Variants in KANSL2 observed in about 807,000 individuals in gnomAD.
The protein encoded by KANSL2 is KAT8 regulatory NSL complex subunit 2.
A neutral mutation model predicts 55.6 loss-of-function variants in KANSL2; 34 were observed. The observed-to-expected ratio is 0.61, with a 90% confidence interval of 0.46 to 0.81. KANSL2 has a LOEUF of 0.81. KANSL2 is among the 40% of genes least tolerant of loss of function. The probability of loss-of-function intolerance (pLI) is 0.00; values close to 1 mark genes in which losing one functional copy is unlikely to be tolerated. For missense variants in KANSL2, 502 were observed against 609.9 expected (o/e 0.82, Z 1.86); for synonymous variants, 209 against 214.3 (o/e 0.98, Z 0.22).
intron 3 of KANSL2, 69 bp downstream of exon 3, chr12:48,679,586 G>T: frequency 7.7e-7 from 1 of 1,298,828 alleles, no homozygotes; most frequent in Non-Finnish European, 1.1e-6. Context: ...TCAAGGCATT[G>T]TGCTAACCCA....
chr12:48,663,004 G>A (rs2409084), intron 7 of KANSL2, among the ~76,000 whole-genome samples: 34,176 of 152,048 alleles, frequency 0.22, 4,818 homozygotes, highest in Non-Finnish European at 0.33. Flanking sequence ...TTCAGACACC[G>A]TACAGAATTC....
At chr12:48,679,983 C>T (rs1333449153) in intron 2 of KANSL2, 150 bp from the exon 3 acceptor site, 1 of 659,592 alleles carries the variant, frequency 1.5e-6, no homozygotes, top group African/African-American at 1.8e-5. Flanking sequence ...TTTAACTGGC[C>T]CAAGGTCAAC....
At chr12:48,672,034 A>C in intron 4 of KANSL2, 72 bp from the exon 5 acceptor site, 1 of 1,304,748 alleles carries the variant, frequency 7.7e-7, no homozygotes, top group Non-Finnish European at 1.0e-6. Context: ...AAGAGTAGAG[A>C]TGTCAGACTA....
intron 7 of KANSL2, chr12:48,662,736 C>A: frequency 1.1e-6 from 1 of 891,904 alleles, no homozygotes; most frequent in Non-Finnish European, 1.5e-6. Context: ...AAAAAAAATA[C>A]TTCCCTTCTC....
At chr12:48,677,937 T>G (rs115597793) in intron 4 of KANSL2, among the ~76,000 whole-genome samples, 2,702 of 152,202 alleles carry the variant, frequency 0.018, 88 homozygotes, top group African/African-American at 0.062. Context: ...CACAGTGAGA[T>G]TACTCAATAG....
chr12:48,667,432 T>C (rs936978574), intron 7 of KANSL2: 2 of 540,912 alleles, frequency 3.7e-6, no homozygotes, highest in Non-Finnish European at 7.0e-6. Flanking sequence ...TAAATAAATA[T>C]TAGCCCACAT....
At chr12:48,677,647 G>C (rs1939846974) in intron 4 of KANSL2, among the ~76,000 whole-genome samples, 1 of 151,900 alleles carries the variant, frequency 6.6e-6, no homozygotes, top group East Asian at 1.9e-4. Flanking sequence ...TGGGTGTGGT[G>C]GTGGGTGCCT....
chr12:48,656,378 A>G (rs1366911498), intron 8 of KANSL2, among the ~76,000 whole-genome samples: 1 of 150,224 alleles, frequency 6.7e-6, no homozygotes, highest in Admixed American at 6.6e-5. Context: ...GGTTCAAGTG[A>G]TTCTCCTGCC....
At chr12:48,678,914 C>T in intron 4 of KANSL2, 122 bp downstream of exon 4, 1 of 654,286 alleles carries the variant, frequency 1.5e-6, no homozygotes, top group Non-Finnish European at 2.7e-6. Context: ...TATACAGAAC[C>T]TCTTACTGCT....
intron 8 of KANSL2, 49 bp from the exon 9 acceptor site, chr12:48,655,109 AAAGTTGG>A: frequency 6.5e-7 from 1 of 1,538,432 alleles, no homozygotes; most frequent in Non-Finnish European, 8.8e-7. Flanking sequence ...AAACAGTAAT[AAAGTTGG>A]CATGTTTTTC....
chr12:48,671,487 A>C (rs1399821452), intron 5 of KANSL2, among the ~76,000 whole-genome samples: 1 of 152,100 alleles, frequency 6.6e-6, no homozygotes, highest in Non-Finnish European at 1.5e-5. Flanking sequence ...CATTCATGCT[A>C]AGTGCCCATT....
At chr12:48,669,318 A>G (rs752048880) in intron 5 of KANSL2, 46 bp from the exon 6 acceptor site, 3 of 1,432,696 alleles carry the variant, frequency 2.1e-6, no homozygotes, top group East Asian at 2.5e-5. Flanking sequence ...CAATCCATCA[A>G]GGTTACGTCT....
intron 5 of KANSL2, among the ~76,000 whole-genome samples, chr12:48,671,379 C>G (rs901633805): frequency 1.3e-5 from 2 of 151,838 alleles, no homozygotes; most frequent in African/African-American, 4.8e-5. Flanking sequence ...GTGTACAGTA[C>G]TTATAACGTC....
Position 48,671,846 on chromosome 12 carries a change from T to C in KANSL2, c.662A>G (p.Lys221Arg), listed in dbSNP as rs1435781046. The change falls in exon 5 of 10, where the codon AAG becomes AGG. Residue 221 changes from lysine (K) to arginine (R), a missense_variant. By Grantham distance (26) the Lys-to-Arg change is conservative. Transcript: ENST00000420613. ...GCGATTATGTAAGTATCGGCGCTTC[T>C]TCTCCTTGAGCAGATGCTGAAGTCG... ...FKRLQHLLKEKKRRYLHNRKV... is the reference protein window; with the variant it reads ...FKRLQHLLKERKRRYLHNRKV... The C allele has an allele frequency of 1.2e-6, 2 of 1,613,082 alleles. No individual in the cohort carries two copies. Among genetic ancestry groups the C allele is most frequent in the African/African-American group, 2.7e-5 (2 of 74,908 alleles).
chr12:48,677,185 G>T (rs1451669945), intron 4 of KANSL2, among the ~76,000 whole-genome samples: 1 of 152,010 alleles, frequency 6.6e-6, no homozygotes, highest in Non-Finnish European at 1.5e-5. Flanking sequence ...CCATATTTGG[G>T]GCTTTATTTT....
At position 48,679,648 on chromosome 12, in the gene KANSL2, T is replaced by C. The variant is rs908683465; in HGVS notation, c.430+7A>G. ...TCCTTTTTCATTCCAGGAGAGAAGG[T>C]CCTTACCTAGTATTCGGCTGGCTTC... is the stretch of plus-strand genomic sequence containing the variant. On this transcript the variant is annotated splice_region_variant and intron_variant, in intron 3 of 9. Coordinates refer to ENST00000420613, the MANE Select transcript of KANSL2 (RefSeq NM_017822.4). 2 of 1,612,768 alleles carry C rather than the reference T, an allele frequency of 1.2e-6. No homozygotes were observed. The highest frequency in any genetic ancestry group is 1.7e-6 in the Non-Finnish European group (2 of 1,179,254).
At chr12:48,667,322 G>T (rs1939619429) in intron 7 of KANSL2, 1 of 246,418 alleles carries the variant, frequency 4.1e-6, no homozygotes, top group South Asian at 4.9e-5. Flanking sequence ...TTTATAATTA[G>T]ATTTAACAGC....
At chr12:48,654,870 A>G (rs545853662) in intron 9 of KANSL2, 71 bp downstream of exon 9, 3 of 1,492,496 alleles carry the variant, frequency 2.0e-6, no homozygotes, top group African/African-American at 1.4e-5. Flanking sequence ...AGCACATGCT[A>G]TCTAGCAGGG....
At chr12:48,676,430 G>T (rs1307588409) in intron 4 of KANSL2, among the ~76,000 whole-genome samples, 1 of 152,046 alleles carries the variant, frequency 6.6e-6, no homozygotes, top group African/African-American at 2.4e-5. Context: ...GGAGGCTGAC[G>T]GGCAGATCAC....
Sources: gnomAD v4.1 joint callset for allele counts (sites outside exome capture counted in the v4.1 genomes callset) on GRCh38, gnomAD v4.1.1 for gene constraint, MANE v1.5 for transcripts, NCBI Gene and HGNC (gene_info 2026-07-23, HGNC 2026-07-21) for gene names.